Variants in INSR observed in about 807,000 individuals in gnomAD.
INSR encodes the protein insulin receptor, also known as IR.
In INSR, 67 loss-of-function variants were observed where a neutral mutation model predicts 142.6. The observed-to-expected ratio is 0.47, with a 90% CI of 0.39 to 0.58. The LOEUF (loss-of-function observed/expected upper bound fraction) is 0.58, where lower values mean the gene tolerates loss of function less well. INSR is among the 20% of genes least tolerant of loss of function. INSR has a pLI of 0.00. For synonymous variants in INSR, 756 were observed against 743.1 expected (o/e 1.02, Z -0.28); for missense variants, 1,248 against 1,833.2 (o/e 0.68, Z 5.83).
At position 7,205,176 on chromosome 19, in the gene INSR, C is replaced by G. The variant is rs538307959; in HGVS notation, c.653-20539G>C. 9.8e-5 allele frequency among the ~76,000 whole-genome samples: 15 copies of G among 152,318 alleles called. No individual in the cohort carries two copies. In the East Asian group the frequency reaches 2.9e-3, roughly 29 times the overall value. On this transcript the variant is annotated intron_variant, in intron 2 of 21. Coordinates refer to ENST00000302850, the MANE Select transcript of INSR (RefSeq NM_000208.4). ...ACAGATCTGAGCTCCTACGGAGTGT[C>G]CGGCACCATCTGAGCTCCAGATACA...
At chr19:7,255,576 G>A (rs1195361721) in intron 2 of INSR, among the ~76,000 whole-genome samples, 1 of 81,850 alleles carries the variant, frequency 1.2e-5, no homozygotes, top group Admixed American at 1.4e-4. Context: ...CCTTCCTTCT[G>A]TTTTTGTTTG....
At chr19:7,197,165 C>T (rs952159753) in intron 2 of INSR, among the ~76,000 whole-genome samples, 8 of 152,248 alleles carry the variant, frequency 5.3e-5, no homozygotes, top group African/African-American at 1.2e-4. Flanking sequence ...CGCCCCTTTT[C>T]CTTGCCTGAC....
intron 2 of INSR, among the ~76,000 whole-genome samples, chr19:7,207,901 A>AAAGGAAAG (rs1975149462): frequency 1.4e-5 from 1 of 72,746 alleles, no homozygotes; most frequent in East Asian, 4.0e-4. Context: ...GGAAGGAAGG[A>AAAGGAAAG]AAGGAAGGAA....
Position 7,117,126 on chromosome 19 carries a change from G to C in INSR, c.4079C>G (p.Pro1360Arg). Residue 1360 changes from proline (P) to arginine (R), a missense_variant, in exon 22 of 22, where the codon CCT becomes CGT. By Grantham distance (103) the Pro-to-Arg change is moderately radical. Transcript: ENST00000302850. ...GFKRSYEEHIPYTHMNGGKKN... is the reference protein window; with the variant it reads ...GFKRSYEEHIRYTHMNGGKKN... ...CTTGCCTCCGTTCATGTGTGTGTAA[G>C]GGATGTGTTCCTCGTAGCTCCGCTT... 1 of 1,614,168 alleles carries C rather than the reference G, an allele frequency of 6.2e-7. No homozygotes were observed.
intron 1 of INSR, among the ~76,000 whole-genome samples, chr19:7,284,647 G>A (rs1409289048): frequency 5.9e-5 from 9 of 152,170 alleles, no homozygotes; most frequent in Non-Finnish European, 2.9e-5. Context: ...TCCTGCCTCA[G>A]CCTCCGGAGT....
intron 2 of INSR, among the ~76,000 whole-genome samples, chr19:7,193,223 ATTC>A (rs1418686904): frequency 4.7e-5 from 7 of 150,090 alleles, no homozygotes; most frequent in African/African-American, 1.5e-4. Context: ...GGTTCAAGAG[ATTC>A]TTCTGCTCAT....
At chr19:7,184,294 C>A (rs781376061) in intron 3 of INSR, 22 bp downstream of exon 3, 8 of 1,609,888 alleles carry the variant, frequency 5.0e-6, no homozygotes, top group Non-Finnish European at 6.8e-6. Flanking sequence ...GGCTGCCCCC[C>A]AGACCCACAT....
At chr19:7,201,206 T>A (rs1049715057) in intron 2 of INSR, among the ~76,000 whole-genome samples, 2 of 152,128 alleles carry the variant, frequency 1.3e-5, no homozygotes, top group Non-Finnish European at 2.9e-5. Flanking sequence ...GGCATACCCA[T>A]TCTCTGGGGC....
chr19:7,153,014 CACACACACACA>C lies in INSR; in HGVS notation c.2030-98_2030-88del, dbSNP rs1568449007. ...ACACACACCCCACACACACACACACCACACACACACACCACACACACACACACCACACACCC... is the reference window on the plus strand; with the variant it reads ...ACACACACCCCACACACACACACACCCCACACACACACACACCACACACCC... On this transcript the variant is annotated intron_variant, in intron 9 of 21. Transcript: ENST00000302850. 2.4e-5 allele frequency: 12 copies of C among 490,276 alleles called. No homozygotes were observed. In the African/African-American group the frequency reaches 6.3e-4, roughly 26 times the overall value. The allele number at this position is 490,276 out of a possible 1,614,324, so 30.4% of individuals were successfully genotyped here.
chr19:7,277,332 T>G (rs1217225272), intron 1 of INSR, among the ~76,000 whole-genome samples: 1 of 150,850 alleles, frequency 6.6e-6, no homozygotes, highest in Non-Finnish European at 1.5e-5. Flanking sequence ...ATTCCTGTAT[T>G]CACTCAGCAA....
chr19:7,175,617 C>T (rs1974118629), intron 3 of INSR, among the ~76,000 whole-genome samples: 1 of 152,018 alleles, frequency 6.6e-6, no homozygotes, highest in Admixed American at 6.6e-5. Flanking sequence ...GGCAGATCAC[C>T]TGAGGTCAGG....
Position 7,114,212 on chromosome 19 carries a change from C to A in INSR, c.*2844G>T, listed in dbSNP as rs1023997760. 1 of 152,144 alleles carries A rather than the reference C, an allele frequency of 6.6e-6. No homozygotes were observed. The highest frequency in any genetic ancestry group is 1.9e-4 in the East Asian group (1 of 5,198). The allele number at this position is 152,144 out of a possible 1,614,324, so 9.4% of individuals were successfully genotyped here. A position where few individuals can be genotyped will look rare whatever the true frequency, so the allele number is the denominator to read the frequency against. On this transcript the variant is annotated 3_prime_UTR_variant, in exon 22 of 22. Coordinates refer to ENST00000302850, the MANE Select transcript of INSR (RefSeq NM_000208.4). ...CCTGAAAGGAGTGGGCATAAACCAT[C>A]AGGGAGCCCAGGGCACCTTTGTGCT... is the stretch of plus-strand genomic sequence containing the variant.
At chr19:7,131,985 C>CAA (rs148055651) in intron 14 of INSR, among the ~76,000 whole-genome samples, 173 bp downstream of exon 14, 2 of 140,654 alleles carry the variant, frequency 1.4e-5, no homozygotes, top group East Asian at 2.1e-4. Context: ...GCCTCCATCT[C>CAA]AAAAAAAAAA....
chr19:7,233,241 A>G (rs1976045154), intron 2 of INSR, among the ~76,000 whole-genome samples: 1 of 152,082 alleles, frequency 6.6e-6, no homozygotes, highest in Admixed American at 6.6e-5. Flanking sequence ...TGATCCACCC[A>G]CCTCAGCCTC....
chr19:7,135,304 CTTTTTT>C (rs34080394), intron 13 of INSR, among the ~76,000 whole-genome samples: 4 of 60,034 alleles, frequency 6.7e-5, no homozygotes, highest in African/African-American at 2.3e-4. Context: ...AATGCATCTT[CTTTTTT>C]TTTTTTTTTT....
intron 2 of INSR, among the ~76,000 whole-genome samples, chr19:7,194,580 T>TTGGCTCA (rs950082752): frequency 2.7e-5 from 4 of 146,452 alleles, no homozygotes; most frequent in African/African-American, 1.0e-4. Flanking sequence ...TGGTGCAATC[T>TTGGCTCA]TGGCTCACTG....
Position 7,172,277 on chromosome 19 carries a change from C to T in INSR, c.1268+13G>A, listed in dbSNP as rs1599943271. 1.2e-6 allele frequency: 2 copies of T among 1,613,810 alleles called. No individual in the cohort carries two copies. Among genetic ancestry groups the T allele is most frequent in the Non-Finnish European group, 1.7e-6 (2 of 1,179,782 alleles). Reference sequence around the variant, plus strand: ...TTAGCACTCAGGCCATACACACAATCAGGCCCACGTACCCAATTTCCAAGG... The same window carrying T: ...TTAGCACTCAGGCCATACACACAATTAGGCCCACGTACCCAATTTCCAAGG... On this transcript the variant is annotated intron_variant, in intron 5 of 21. Transcript: ENST00000302850.
chr19:7,158,861 A>G (rs758842171), intron 9 of INSR, among the ~76,000 whole-genome samples: 31 of 152,230 alleles, frequency 2.0e-4, no homozygotes, highest in Non-Finnish European at 4.0e-4. Flanking sequence ...GAAATTGTGG[A>G]AAAATAAGCA....
At chr19:7,247,477 CCT>C (rs1976572132) in intron 2 of INSR, among the ~76,000 whole-genome samples, 1 of 152,188 alleles carries the variant, frequency 6.6e-6, no homozygotes, top group East Asian at 1.9e-4. Context: ...GCCACTCCTT[CCT>C]CTCTATTCCA....
Sources: gnomAD v4.1 joint callset for allele counts (sites outside exome capture counted in the v4.1 genomes callset) on GRCh38, gnomAD v4.1.1 for gene constraint, MANE v1.5 for transcripts, NCBI Gene and HGNC (gene_info 2026-07-23, HGNC 2026-07-21) for gene names.